Variants in KPNA7 observed in about 807,000 individuals in gnomAD.
KPNA7 encodes importin subunit alpha-8.
A neutral mutation model predicts 53.7 loss-of-function variants in KPNA7; 54 were observed. That is an observed-to-expected ratio of 1.01 (90% CI 0.81 to 1.26). The LOEUF is 1.26. Among genes scored for constraint, KPNA7 ranks in the 50% most tolerant of loss-of-function variants. KPNA7 has a pLI of 0.00. For synonymous variants in KPNA7, 276 were observed against 259.3 expected (o/e 1.06, Z -0.62); for missense variants, 640 against 644.5 (o/e 0.99, Z 0.07).
chr7:99,155,805 T>C, the KPNA7 span, among the ~76,000 whole-genome samples: 2 of 151,992 alleles, frequency 1.3e-5, no homozygotes, highest in African/African-American at 4.8e-5. Flanking sequence ...GCTCCAGCAG[T>C]CTGCCTGTCT....
At chr7:99,214,452 C>T (rs1258599082) in intron 1 of KPNA7, among the ~76,000 whole-genome samples, 2 of 145,456 alleles carry the variant, frequency 1.4e-5, no homozygotes, top group Non-Finnish European at 1.5e-5. Context: ...CAAAAAAAAA[C>T]AAAAAACAAA....
intron 2 of KPNA7, among the ~76,000 whole-genome samples, chr7:99,206,306 C>T (rs1790812706): frequency 6.6e-6 from 1 of 151,660 alleles, no homozygotes; most frequent in Middle Eastern, 3.4e-3. Flanking sequence ...GATTACAGGC[C>T]CCCGCCACCA....
intron 6 of KPNA7, among the ~76,000 whole-genome samples, chr7:99,191,672 CAG>C (rs1356723587): frequency 4.6e-5 from 7 of 152,038 alleles, no homozygotes; most frequent in Admixed American, 3.3e-4. Context: ...AGTTTTGAGA[CAG>C]AGTCTTGCTC....
chr7:99,189,884 C>G (rs970462357), intron 6 of KPNA7, among the ~76,000 whole-genome samples: 31 of 152,208 alleles, frequency 2.0e-4, no homozygotes, highest in African/African-American at 7.0e-4. Context: ...AAGCGCCTGG[C>G]CTCCAGTTGT....
At chr7:99,165,085 G>A in the KPNA7 span, among the ~76,000 whole-genome samples, 1 of 152,146 alleles carries the variant, frequency 6.6e-6, no homozygotes, top group Admixed American at 6.6e-5. Context: ...AGGTTGCAGT[G>A]AGCCGAGATC....
At chr7:99,211,159 C>T (rs1297881174), upstream of KPNA7, among the ~76,000 whole-genome samples, 2 of 152,150 alleles carry the variant, frequency 1.3e-5, no homozygotes, top group Non-Finnish European at 2.9e-5. Flanking sequence ...GTGGCTCATG[C>T]CTATAATCCC....
At chr7:99,145,947 A>G in the KPNA7 span, among the ~76,000 whole-genome samples, 1 of 152,184 alleles carries the variant, frequency 6.6e-6, no homozygotes, top group Non-Finnish European at 1.5e-5. Context: ...ACCCAAGAAT[A>G]TAAGCAATGT....
chr7:99,157,040 C>T, the KPNA7 span, among the ~76,000 whole-genome samples: 1 of 151,920 alleles, frequency 6.6e-6, no homozygotes, highest in Non-Finnish European at 1.5e-5. Flanking sequence ...TTCTGGTAAT[C>T]ATTTAATTTC....
chr7:99,207,433 T>C lies in KPNA7; in HGVS notation c.34A>G (p.Arg12Gly). 1 of 1,551,420 alleles carries C rather than the reference T, an allele frequency of 6.4e-7. No individual in the cohort carries two copies. The highest frequency in any genetic ancestry group is 2.4e-5 in the East Asian group (1 of 40,904). ...TCTTTGCCTCGGTACTTAAATTTTC[T>C]CCGCCTCTCTTCTGGAGCATCTAAG... ...PTLDAPEERRRKFKYRGKDVS... is the reference protein window; with the variant it reads ...PTLDAPEERRGKFKYRGKDVS... The change falls in exon 2 of 11, where the codon AGA (arginine) becomes GGA (glycine). Residue 12 changes from arginine to glycine, a missense_variant. Arg to Gly is a moderately radical substitution (Grantham distance 125). Transcript: ENST00000327442.
At chr7:99,177,257 G>A (rs1798939058) in intron 10 of KPNA7, among the ~76,000 whole-genome samples, 1 of 152,166 alleles carries the variant, frequency 6.6e-6, no homozygotes, top group African/African-American at 2.4e-5. Flanking sequence ...TTAACGGGTA[G>A]GGAGTTTCAG....
chr7:99,180,599 G>GTCTCTCCC (rs892383898), intron 9 of KPNA7, among the ~76,000 whole-genome samples: 3,216 of 126,256 alleles, frequency 0.025, 138 homozygotes, highest in African/African-American at 0.093. Context: ...CCGTCTCTCC[G>GTCTCTCCC]TCTCTGTCTC....
the KPNA7 span, among the ~76,000 whole-genome samples, chr7:99,156,292 T>G: frequency 6.6e-6 from 1 of 152,190 alleles, no homozygotes; most frequent in Non-Finnish European, 1.5e-5. Context: ...TAATTTTCCC[T>G]CAGAACTTGG....
the KPNA7 span, among the ~76,000 whole-genome samples, chr7:99,146,062 T>C: frequency 6.6e-6 from 1 of 152,132 alleles, no homozygotes; most frequent in Non-Finnish European, 1.5e-5. Context: ...TCTCTAATGC[T>C]CCCAAGTAAT....
intron 6 of KPNA7, among the ~76,000 whole-genome samples, chr7:99,190,765 G>A (rs918592717): frequency 1.3e-5 from 2 of 150,994 alleles, no homozygotes; most frequent in Admixed American, 6.6e-5. Flanking sequence ...CTCTCGCCTT[G>A]CCTTCCCAAG....
intron 7 of KPNA7, among the ~76,000 whole-genome samples, chr7:99,186,512 G>A (rs903053578): frequency 5.3e-5 from 8 of 152,194 alleles, no homozygotes; most frequent in Admixed American, 5.2e-4. Context: ...GGAGGCCGAG[G>A]CGGATGGATC....
upstream of KPNA7, among the ~76,000 whole-genome samples, chr7:99,210,641 A>T (rs1013898438): frequency 6.6e-6 from 1 of 152,024 alleles, no homozygotes; most frequent in African/African-American, 2.4e-5. Context: ...CTGGAGTGCA[A>T]TAAATAGTGT....
intron 9 of KPNA7, among the ~76,000 whole-genome samples, chr7:99,181,464 GTCCT>G (rs1425009723): frequency 6.6e-6 from 1 of 152,214 alleles, no homozygotes; most frequent in Non-Finnish European, 1.5e-5. Flanking sequence ...GAAGACCATG[GTCCT>G]TCGAGATGGC....
At chr7:99,176,311 A>G (rs1382717662) in intron 10 of KPNA7, among the ~76,000 whole-genome samples, 8 of 81,482 alleles carry the variant, frequency 9.8e-5, no homozygotes, top group Admixed American at 7.9e-4. Context: ...AAAAAAAAAA[A>G]AGAAAGAAAG....
chr7:99,181,895 A>G lies in KPNA7; in HGVS notation c.1305T>C (p.Ser435=). The G allele has an allele frequency of 6.5e-7, 1 of 1,545,762 alleles. No individual in the cohort carries two copies. The highest frequency in any genetic ancestry group is 8.8e-7 in the Non-Finnish European group (1 of 1,142,456). Residue 435 remains serine, a synonymous_variant, in exon 9 of 11, where the codon TCT becomes TCC. Coordinates refer to ENST00000327442, the MANE Select transcript of KPNA7 (RefSeq NM_001145715.3). ...CAGAACGGCTCACCTGGAGGATGCAAGAGATGACATCAAGGATGATGAGAA... is the reference window on the plus strand; with the variant it reads ...CAGAACGGCTCACCTGGAGGATGCAGGAGATGACATCAAGGATGATGAGAA... ...KIVLIILDVI[S]CILQAAEKRS... is the part of the protein sequence containing the mutation.
Sources: allele counts gnomAD v4.1 joint callset (sites outside exome capture counted in the v4.1 genomes callset), GRCh38; gene constraint gnomAD v4.1.1; transcripts MANE v1.5; gene names NCBI Gene and HGNC (gene_info 2026-07-23, HGNC 2026-07-21).